The following TRPM4 variants were observed in gnomAD, a reference collection of about 807,000 sequenced individuals.
TRPM4 encodes the protein transient receptor potential cation channel subfamily M member 4.
Under a neutral mutation model 135.6 loss-of-function variants are expected in TRPM4, and 124 were observed. That is an observed-to-expected ratio of 0.91 (90% CI 0.79 to 1.06). The LOEUF is 1.06. Ranked by LOEUF, TRPM4 falls within the 50% of genes least tolerant of loss-of-function variation. The probability of loss-of-function intolerance (pLI) is 0.00; values close to 1 mark genes in which losing one functional copy is unlikely to be tolerated. For missense variants in TRPM4, 1,658 were observed against 1,671.4 expected, an observed-to-expected ratio of 0.99 and a Z score of 0.14; for synonymous variants, 745 against 705.6, an observed-to-expected ratio of 1.06 and a Z score of -0.88.
At chr19:49,176,882 C>G (rs1967715983) in intron 9 of TRPM4, among the ~76,000 whole-genome samples, 1 of 152,088 alleles carries the variant, frequency 6.6e-6, no homozygotes, top group Non-Finnish European at 1.5e-5. Context: ...AACAAACCAG[C>G]TTGGCCCTTT....
chr19:49,203,393 A>T (rs576540739), intron 20 of TRPM4, among the ~76,000 whole-genome samples: 1 of 151,536 alleles, frequency 6.6e-6, no homozygotes, highest in Admixed American at 6.6e-5. Flanking sequence ...GTTAGCCAGG[A>T]TGGTTTCGAT....
At chr19:49,197,324 CTT>C (rs1293316343) in intron 17 of TRPM4, among the ~76,000 whole-genome samples, 17 of 112,546 alleles carry the variant, frequency 1.5e-4, no homozygotes, top group African/African-American at 5.9e-4. Context: ...TTCTTTCTTT[CTT>C]TCTTTCTTTC....
Position 49,168,665 on chromosome 19 carries a change from G to GC in TRPM4, c.727dup (p.Leu243ProfsTer28). 6.2e-7 allele frequency: 1 copy of GC among 1,613,010 alleles called. No homozygotes were observed. Among genetic ancestry groups the GC allele is most frequent in the Non-Finnish European group, 8.5e-7 (1 of 1,179,848 alleles). Reference sequence around the variant, plus strand: ...CTGGTGGACGACGGCACACACGGCTGCCTGGGGGGCGAGAACCGCTTCCGC... The same window carrying GC: ...CTGGTGGACGACGGCACACACGGCTGCCCTGGGGGGCGAGAACCGCTTCCGC... On this transcript the variant is annotated frameshift_variant, in exon 6 of 25. Transcript: ENST00000252826. LOFTEE classifies it high-confidence loss of function.
At chr19:49,199,067 G>T (rs190249055) in intron 17 of TRPM4, among the ~76,000 whole-genome samples, 1 of 152,036 alleles carries the variant, frequency 6.6e-6, no homozygotes, top group Admixed American at 6.5e-5. Flanking sequence ...GGCCATGCTC[G>T]ACAATGCCTG....
intron 3 of TRPM4, among the ~76,000 whole-genome samples, chr19:49,166,720 C>T (rs1484668948): frequency 1.3e-5 from 2 of 149,082 alleles, no homozygotes; most frequent in Non-Finnish European, 3.0e-5. Flanking sequence ...CCGCTTTTCT[C>T]TGTGTCTCTG....
chr19:49,160,877 CAG>C (rs1363559349), intron 2 of TRPM4, among the ~76,000 whole-genome samples: 2 of 151,528 alleles, frequency 1.3e-5, no homozygotes, highest in East Asian at 3.9e-4. Flanking sequence ...GGCAAAGACT[CAG>C]GGGGCAGGAA....
chr19:49,172,176 C>A, intron 9 of TRPM4, 68 bp downstream of exon 9: 1 of 1,182,190 alleles, frequency 8.5e-7, no homozygotes, highest in Non-Finnish European at 1.3e-6. Flanking sequence ...CTGGCCTGGG[C>A]ACTTCATCCA....
intron 2 of TRPM4, 86 bp downstream of exon 2, chr19:49,158,345 T>G (rs1403863782): frequency 9.7e-6 from 12 of 1,239,856 alleles, no homozygotes; most frequent in Non-Finnish European, 1.3e-5. Context: ...GCCCTGCTCC[T>G]TCCCCATTCC....
intron 1 of TRPM4, 41 bp from the exon 2 acceptor site, chr19:49,158,149 CCT>C: frequency 1.3e-6 from 2 of 1,573,074 alleles, no homozygotes; most frequent in Non-Finnish European, 1.8e-6. Context: ...AACTGGGTGC[CCT>C]CTCACCCCAC....
rs940041764 is a variant in TRPM4, at chr19:49,210,568, T to G, written c.3329-142T>G. 27 of 1,455,646 alleles carry G rather than the reference T, an allele frequency of 1.9e-5. No individual in the cohort carries two copies. The African/African-American group carries it at 3.2e-4, about 17-fold the overall frequency. 90.2% of individuals were successfully genotyped at this position (1,455,646 alleles called of 1,614,324 possible). A position where few individuals can be genotyped will look rare whatever the true frequency, so the allele number is the denominator to read the frequency against. ...GAGCTTAAGCACTGAGGGGCAGTGC[T>G]TACGGGTGAGGGGCGGGGCATGTTC... On this transcript the variant is annotated intron_variant, in intron 21 of 24. Transcript: ENST00000252826. This position sits in a 1 kb window ranked among gnomAD's most constrained non-coding sequence, Gnocchi z 4.1.
chr19:49,207,905 C>T (rs111365719), intron 20 of TRPM4, among the ~76,000 whole-genome samples: 8,425 of 151,924 alleles, frequency 0.055, 684 homozygotes, highest in African/African-American at 0.17. Flanking sequence ...TGGAGACCGA[C>T]AGTGGCCCCT....
chr19:49,182,517 G>A, intron 10 of TRPM4, 61 bp from the exon 11 acceptor site: 2 of 1,381,386 alleles, frequency 1.4e-6, no homozygotes, highest in African/African-American at 2.9e-5. Context: ...TCATACCCTT[G>A]CCCATCTCTT....
At chr19:49,190,405 C>T in intron 15 of TRPM4, 85 bp downstream of exon 15, 2 of 1,215,394 alleles carry the variant, frequency 1.6e-6, no homozygotes, top group Non-Finnish European at 2.4e-6. Flanking sequence ...CCTTTCTTCC[C>T]TCATCGGCCC....
intron 9 of TRPM4, among the ~76,000 whole-genome samples, chr19:49,177,181 G>T (rs1967728142): frequency 6.6e-6 from 1 of 152,224 alleles, no homozygotes; most frequent in Non-Finnish European, 1.5e-5. Context: ...TCTGCAAGAT[G>T]TGGTTTGAGG....
chr19:49,197,978 C>T (rs1034671602), intron 17 of TRPM4, among the ~76,000 whole-genome samples: 10 of 151,702 alleles, frequency 6.6e-5, no homozygotes, highest in South Asian at 4.1e-4. Flanking sequence ...TGTGGGTCAC[C>T]GTGCCTGGCC....
intron 20 of TRPM4, among the ~76,000 whole-genome samples, chr19:49,209,905 C>T (rs1969283872): frequency 1.3e-5 from 2 of 152,092 alleles, no homozygotes; most frequent in Admixed American, 6.6e-5. Context: ...CCCACCACCA[C>T]GCCTGGCTAA....
At chr19:49,206,596 C>T (rs928385695) in intron 20 of TRPM4, among the ~76,000 whole-genome samples, 2 of 151,994 alleles carry the variant, frequency 1.3e-5, no homozygotes, top group East Asian at 1.9e-4. Flanking sequence ...TGTGCCACCA[C>T]GCCCGGCTAA....
At chr19:49,166,364 C>A in intron 3 of TRPM4, 149 bp downstream of exon 3, 2 of 781,998 alleles carry the variant, frequency 2.6e-6, no homozygotes, top group East Asian at 2.7e-5. Flanking sequence ...CACCTATCTT[C>A]TCTCTGAGGG....
intron 2 of TRPM4, 52 bp downstream of exon 2, chr19:49,158,311 C>CCGCCCGCGGATGGTCA: frequency 6.4e-7 from 1 of 1,565,486 alleles, no homozygotes; most frequent in Non-Finnish European, 8.8e-7. Context: ...CCCGCTGACC[C>CCGCCCGCGGATGGTCA]CGCCCGCGGA....
Sources: allele counts gnomAD v4.1 joint callset (sites outside exome capture counted in the v4.1 genomes callset), GRCh38; gene constraint gnomAD v4.1.1; non-coding constraint Gnocchi (gnomAD v3.1); transcripts MANE v1.5; gene names NCBI Gene and HGNC (gene_info 2026-07-23, HGNC 2026-07-21).